PLEKHA4: variants seen among roughly 807,000 people sequenced by gnomAD.
PLEKHA4 encodes pleckstrin homology domain containing A4, also known as pleckstrin homology domain-containing family A member 4.
PLEKHA4 carries 73 observed loss-of-function variants against 94.7 expected under a neutral mutation model. That is an observed-to-expected ratio of 0.77 (90% confidence interval 0.64 to 0.94). The LOEUF (loss-of-function observed/expected upper bound fraction) is 0.94. Among genes scored for constraint, PLEKHA4 ranks in the 40% least tolerant of loss-of-function variants. The pLI is 0.00. For synonymous variants in PLEKHA4, 449 were observed against 437.1 expected (o/e 1.03, Z -0.34); for missense variants, 1,049 against 1,054.1 (o/e 1.00, Z 0.07).
rs1249139976 is a variant in PLEKHA4, at chr19:48,841,231, A to C, written c.1823T>G (p.Phe608Cys). The C allele has an allele frequency of 6.2e-7, 1 of 1,613,522 alleles. No individual in the cohort carries two copies. The highest frequency in any genetic ancestry group is 1.1e-5 in the South Asian group (1 of 90,922). The change falls in exon 17 of 20, where the codon TTC (phenylalanine) becomes TGC (cysteine). Residue 608 changes from phenylalanine (F) to cysteine (C), a missense_variant. By Grantham distance (205) the Phe-to-Cys change is radical. Coordinates refer to ENST00000263265, the MANE Select transcript of PLEKHA4 (RefSeq NM_020904.3). ...AAGCCGGGGGGAGGTCGGGCGAGGG[A>C]AGGGCCGTCCACATTCCTGGTTTCT... ...MRRNQECGRP[F>C]PRPTSPRLLT... is the part of the protein sequence containing the mutation.
In PLEKHA4 at chr19:48,852,252, G is replaced by T; in HGVS notation, c.1401C>A (p.Tyr467Ter). The change falls in exon 13 of 20, where the codon TAC (tyrosine) becomes TAA (stop). Residue 467 changes from tyrosine (Y) to a stop codon, truncating the protein, a stop_gained. Transcript: ENST00000263265. LOFTEE classifies it high-confidence loss of function. Reference sequence around the variant, plus strand: ...CCTGGGGAGAACCAAGGTGCAGCAGGTACTCCAGCGTCTCTCTTAAGGTGC... The same window carrying T: ...CCTGGGGAGAACCAAGGTGCAGCAGTTACTCCAGCGTCTCTCTTAAGGTGC... ...ELGTLRETLE[Y>*]LLHLGSPQDR... is the part of the protein sequence containing the mutation. 1 of 1,614,056 alleles carries T rather than the reference G, an allele frequency of 6.2e-7. No homozygotes were observed. Among genetic ancestry groups the T allele is most frequent in the Non-Finnish European group, 8.5e-7 (1 of 1,179,996 alleles).
At chr19:48,860,837 GAA>G (rs1314193103) in intron 5 of PLEKHA4, among the ~76,000 whole-genome samples, 1 of 142,890 alleles carries the variant, frequency 7.0e-6, no homozygotes, top group Non-Finnish European at 1.5e-5. Context: ...GAGAAAGAAA[GAA>G]AGAGAGAGAG....
chr19:48,853,809 T>A lies in PLEKHA4; in HGVS notation c.1199A>T (p.Glu400Val). 6.2e-7 allele frequency: 1 copy of A among 1,611,374 alleles called. No individual in the cohort carries two copies. The highest frequency in any genetic ancestry group is 8.5e-7 in the Non-Finnish European group (1 of 1,178,624). Residue 400 changes from glutamate (E) to valine (V), a missense_variant, in exon 12 of 20, where the codon GAG becomes GTG. Transcript: ENST00000263265. ...TTGGCCCAGCTGTTGCCGGGTCAAC[T>A]CCAGAGCTGCTTCTAGTTGCTCCTG... ...EEKEQLEAAL[E>V]LTRQQLGQAT...
intron 12 of PLEKHA4, 143 bp from the exon 13 acceptor site, chr19:48,852,469 G>A (rs1266357964): frequency 7.8e-6 from 5 of 638,378 alleles, no homozygotes; most frequent in African/African-American, 1.8e-5. Flanking sequence ...ATTCCCATGG[G>A]CCTCTTTGCT....
Position 48,867,477 on chromosome 19 carries a change from CAG to C in PLEKHA4, c.84+58_84+59del. Reference sequence around the variant, plus strand: ...TTAACAACCAGAGTCCTTGGGGAAACAGAAGGATGGGCGGCCCAGAGCCCCAC... The same window carrying C: ...TTAACAACCAGAGTCCTTGGGGAAACAAGGATGGGCGGCCCAGAGCCCCAC... On this transcript the variant is annotated intron_variant, in intron 2 of 19. Transcript: ENST00000263265. This position sits in a 1 kb window ranked among gnomAD's most constrained non-coding sequence, Gnocchi z 4.7. 2 of 1,530,818 alleles carry C rather than the reference CAG, an allele frequency of 1.3e-6. No individual in the cohort carries two copies. The highest frequency in any genetic ancestry group is 1.8e-6 in the Non-Finnish European group (2 of 1,130,328). 94.8% of individuals were successfully genotyped at this position (1,530,818 alleles called of 1,614,324 possible). A position where few individuals can be genotyped will look rare whatever the true frequency, so the allele number is the denominator to read the frequency against.
At chr19:48,860,292 G>A (rs2036583453) in intron 6 of PLEKHA4, 58 bp downstream of exon 6, 1 of 1,448,334 alleles carries the variant, frequency 6.9e-7, no homozygotes, top group East Asian at 2.3e-5. Context: ...GGAGGAGTTG[G>A]GATGACGAGA....
At position 48,859,651 on chromosome 19, in the gene PLEKHA4, G is replaced by A. The variant is rs147127912; in HGVS notation, c.510C>T (p.Pro170=). The A allele has an allele frequency of 4.3e-5, 69 of 1,612,212 alleles. No individual in the cohort carries two copies. The highest frequency in any genetic ancestry group is 5.2e-5 in the Non-Finnish European group (61 of 1,179,938). ...GQPRSPARPQ[P]GEGPGGPGGP... ...CACCGGGGCCGCCGGGGCCCTCCCC[G>A]GGCTGGGGTCGTGCAGGTGACCTGG... Residue 170 remains proline, a synonymous_variant, in exon 7 of 20, where the codon CCC becomes CCT. Coordinates refer to ENST00000263265, the MANE Select transcript of PLEKHA4 (RefSeq NM_020904.3).
At position 48,863,597 on chromosome 19, in the gene PLEKHA4, A is replaced by ATT. The variant is rs1234542582; in HGVS notation, c.192+1904_192+1905dup. Reference sequence around the variant, plus strand: ...AGGCGACCACCACCACGCCCGGCTAATTTTTTTTTTTTTGTATTTTTTAGT... The same window carrying ATT: ...AGGCGACCACCACCACGCCCGGCTAATTTTTTTTTTTTTTTGTATTTTTTAGT... On this transcript the variant is annotated intron_variant, in intron 3 of 19. Transcript: ENST00000263265. Among the ~76,000 whole-genome samples, 122 of 144,364 alleles carry ATT rather than the reference A, an allele frequency of 8.5e-4. 1 individual carries two copies. Among genetic ancestry groups the ATT allele is most frequent in the African/African-American group, 3.1e-3 (122 of 39,610 alleles). 94.7% of individuals were successfully genotyped at this position (144,364 alleles called of 152,430 possible).
intron 3 of PLEKHA4, among the ~76,000 whole-genome samples, chr19:48,862,426 C>G (rs1023598989): frequency 6.6e-6 from 1 of 151,888 alleles, no homozygotes; most frequent in Admixed American, 6.6e-5. Flanking sequence ...GTCTTGAACT[C>G]CTGACCTCAA....
chr19:48,851,065 T>C (rs1290675221), intron 13 of PLEKHA4, among the ~76,000 whole-genome samples: 1 of 151,964 alleles, frequency 6.6e-6, no homozygotes. Context: ...CGTTTGAACC[T>C]GGGAGGCGGA....
chr19:48,850,167 C>T (rs1184312884), intron 13 of PLEKHA4, among the ~76,000 whole-genome samples: 1 of 151,466 alleles, frequency 6.6e-6, no homozygotes, highest in Non-Finnish European at 1.5e-5. Flanking sequence ...GATCACACCA[C>T]TGCACTCCAG....
intron 13 of PLEKHA4, among the ~76,000 whole-genome samples, chr19:48,848,343 G>A (rs988673163): frequency 6.6e-6 from 1 of 151,250 alleles, no homozygotes; most frequent in African/African-American, 2.4e-5. Flanking sequence ...AAAATTAGCC[G>A]GGCGTAGTGG....
intron 13 of PLEKHA4, among the ~76,000 whole-genome samples, chr19:48,848,846 T>G (rs2036076284): frequency 2.0e-5 from 3 of 152,092 alleles, no homozygotes; most frequent in Admixed American, 2.0e-4. Flanking sequence ...TCTATGTTGT[T>G]TTACTGTGTT....
intron 3 of PLEKHA4, among the ~76,000 whole-genome samples, chr19:48,862,791 G>T (rs1160492109): frequency 6.6e-6 from 1 of 152,206 alleles, no homozygotes; most frequent in Non-Finnish European, 1.5e-5. Flanking sequence ...GGGATTACAG[G>T]CGTGAGCCAC....
At chr19:48,848,367 T>A (rs1330682293) in intron 13 of PLEKHA4, among the ~76,000 whole-genome samples, 4 of 150,126 alleles carry the variant, frequency 2.7e-5, no homozygotes, top group African/African-American at 9.8e-5. Flanking sequence ...GCACCTGTAG[T>A]CCCAGCTACT....
chr19:48,847,880 A>T lies in PLEKHA4; in HGVS notation c.1566+20T>A. On this transcript the variant is annotated intron_variant, in intron 14 of 19. Coordinates refer to ENST00000263265, the MANE Select transcript of PLEKHA4 (RefSeq NM_020904.3). ...GTGGGACATGAAGCTTGGGGTGGGG[A>T]GGAATTATGTGCGTCTTACCTCCCT... 1 of 1,531,380 alleles carries T rather than the reference A, an allele frequency of 6.5e-7. No homozygotes were observed. The highest frequency in any genetic ancestry group is 8.8e-7 in the Non-Finnish European group (1 of 1,139,732). The allele number at this position is 1,531,380 out of a possible 1,614,324, so 94.9% of individuals were successfully genotyped here.
chr19:48,839,345 A>G, intron 17 of PLEKHA4, 82 bp from the exon 18 acceptor site: 2 of 922,178 alleles, frequency 2.2e-6, no homozygotes, highest in Non-Finnish European at 1.6e-6. Context: ...GGGGGCTCCA[A>G]AAGAGAATGA....
intron 3 of PLEKHA4, among the ~76,000 whole-genome samples, chr19:48,864,365 G>A (rs1053441530): frequency 6.6e-6 from 1 of 151,634 alleles, no homozygotes; most frequent in Non-Finnish European, 1.5e-5. Flanking sequence ...CCAGGGTTTC[G>A]CCATGTTGAC....
At chr19:48,852,893 G>A (rs149432318) in intron 12 of PLEKHA4, among the ~76,000 whole-genome samples, 1,684 of 151,824 alleles carry the variant, frequency 0.011, 12 homozygotes, top group East Asian at 0.029. Context: ...GGATCCAGGC[G>A]CTGCACTCCA....
Sources: gnomAD v4.1 joint callset for allele counts (sites outside exome capture counted in the v4.1 genomes callset) on GRCh38, gnomAD v4.1.1 for gene constraint, Gnocchi (gnomAD v3.1) non-coding constraint, MANE v1.5 for transcripts, NCBI Gene and HGNC (gene_info 2026-07-23, HGNC 2026-07-21) for gene names.